The following ELN variants were observed in gnomAD, a reference collection of about 807,000 sequenced individuals.
The protein encoded by ELN is elastin.
In ELN, 65 loss-of-function variants were observed where a neutral mutation model predicts 105.8. The observed-to-expected ratio is 0.61, with a 90% CI of 0.50 to 0.75. ELN has a LOEUF of 0.75. ELN is among the 30% of genes least tolerant of loss of function. The pLI is 0.00. For synonymous variants in ELN, 368 were observed against 389.2 expected (o/e 0.95, Z 0.64); for missense variants, 882 against 969.4 (o/e 0.91, Z 1.20).
At chr7:74,057,292 CTCT>C (rs1795461741) in intron 21 of ELN, 1 of 1,073,392 alleles carries the variant, frequency 9.3e-7, no homozygotes, top group Non-Finnish European at 1.3e-6. Context: ...GGAAGCCATT[CTCT>C]TCTTCCTCCG....
At chr7:74,032,751 G>T (rs1024028371) in intron 1 of ELN, among the ~76,000 whole-genome samples, 12 of 152,214 alleles carry the variant, frequency 7.9e-5, no homozygotes, top group Non-Finnish European at 1.3e-4. Flanking sequence ...CAGAACCCCA[G>T]GAGAAAGGAA....
intron 6 of ELN, 48 bp downstream of exon 6, chr7:74,042,754 G>T: frequency 6.2e-7 from 1 of 1,603,318 alleles, no homozygotes; most frequent in Non-Finnish European, 8.5e-7. Context: ...GGCTTCCGTG[G>T]GGCCCTCCGC....
At chr7:74,054,105 G>T (rs1359049771) in intron 18 of ELN, among the ~76,000 whole-genome samples, 1 of 152,032 alleles carries the variant, frequency 6.6e-6, no homozygotes, top group Non-Finnish European at 1.5e-5. Flanking sequence ...AGGCAGATGG[G>T]ATAAGTTGGC....
In ELN at chr7:74,042,333, C is replaced by T. The variant is rs148782655; in HGVS notation, c.233-281C>T. ...GTTCCACCTACTTGGAAGGCTGAGG[C>T]GGGAGGATTGCTTGAGCCTGGGTGG... On this transcript the variant is annotated intron_variant, in intron 5 of 32. Transcript: ENST00000252034. Among the ~76,000 whole-genome samples the T allele has an allele frequency of 2.3e-3, 353 of 151,666 alleles. 2 individuals carry two copies. In the Middle Eastern group the frequency reaches 0.038, roughly 17 times the overall value.
intron 22 of ELN, among the ~76,000 whole-genome samples, chr7:74,058,978 A>C (rs1202333806): frequency 1.3e-5 from 2 of 152,088 alleles, no homozygotes; most frequent in Admixed American, 6.6e-5. Context: ...GTTGGAGTGC[A>C]GTGATGCCGT....
rs1462467478 is a variant in ELN, at chr7:74,063,765, A to G, written c.1993+70A>G. Reference sequence around the variant, plus strand: ...GCGAGACAGAGATGGAGACAGAGACAGAGACAGAGACTTTCGTTCCCACCC... The same window carrying G: ...GCGAGACAGAGATGGAGACAGAGACGGAGACAGAGACTTTCGTTCCCACCC... On this transcript the variant is annotated intron_variant, in intron 29 of 32. Transcript: ENST00000252034. The surrounding 1 kb of genome is among the most constrained non-coding windows in gnomAD (Gnocchi z 4.1). The G allele has an allele frequency of 2.7e-5, 43 of 1,603,992 alleles. No individual in the cohort carries two copies. Among genetic ancestry groups the G allele is most frequent in the Admixed American group, 5.0e-5 (3 of 59,780 alleles).
intron 2 of ELN, among the ~76,000 whole-genome samples, chr7:74,036,007 G>A (rs1252549511): frequency 6.6e-6 from 1 of 151,972 alleles, no homozygotes; most frequent in Admixed American, 6.6e-5. Flanking sequence ...AAAAGTATTT[G>A]AGGCCAGGCA....
At chr7:74,028,404 TG>T (rs1444427073) in intron 1 of ELN, 135 bp downstream of exon 1, 4 of 1,050,662 alleles carry the variant, frequency 3.8e-6, no homozygotes, top group Non-Finnish European at 5.6e-6. Flanking sequence ...CCTCAGCCAC[TG>T]GGTCCTCGGA....
chr7:74,045,173 G>C, intron 9 of ELN, 49 bp from the exon 10 acceptor site: 10 of 1,610,288 alleles, frequency 6.2e-6, no homozygotes, highest in African/African-American at 2.7e-5. Flanking sequence ...GTTCCCAGCA[G>C]GGCCTGCAAG....
chr7:74,042,792 G>C, intron 6 of ELN, 86 bp downstream of exon 6: 1 of 1,565,142 alleles, frequency 6.4e-7, no homozygotes, highest in Non-Finnish European at 8.7e-7. Context: ...CTCAACTCAG[G>C]CTTGGGAGCC....
chr7:74,041,089 C>A, intron 4 of ELN, 127 bp from the exon 5 acceptor site: 1 of 1,214,990 alleles, frequency 8.2e-7, no homozygotes, highest in African/African-American at 1.5e-5. Flanking sequence ...CCCTGAGCAT[C>A]ACAGGCTTAG....
At position 74,050,065 on chromosome 7, in the gene ELN, TCATCCATC is replaced by T. The variant is rs1278442378; in HGVS notation, c.799+1526_799+1533del. On this transcript the variant is annotated intron_variant, in intron 15 of 32. Transcript: ENST00000252034. ...TGCATGCATCCATCCTTCCATCCAT[TCATCCATC>T]CATCCATCCATCCATCTATTCCTCC... Among the ~76,000 whole-genome samples, 6 of 124,538 alleles carry T rather than the reference TCATCCATC, an allele frequency of 4.8e-5. No homozygotes were observed. In the South Asian group the frequency reaches 1.4e-3, roughly 29 times the overall value. The allele number at this position is 124,538 out of a possible 152,430, so 81.7% of individuals were successfully genotyped here.
intron 15 of ELN, among the ~76,000 whole-genome samples, chr7:74,049,142 T>C (rs1339614019): frequency 1.3e-5 from 2 of 148,184 alleles, no homozygotes; most frequent in African/African-American, 5.0e-5. Context: ...TGTCCACACA[T>C]CCATCCATCC....
At position 74,060,161 on chromosome 7, in the gene ELN, A is replaced by C; in HGVS notation, c.1598A>C (p.Lys533Thr). Residue 533 changes from lysine (K) to threonine (T), a missense_variant, in exon 24 of 33, where the codon AAG becomes ACG. Lys to Thr is a moderately conservative substitution (Grantham distance 78, BLOSUM62 -1). Coordinates refer to ENST00000252034, the MANE Select transcript of ELN (RefSeq NM_000501.4). Reference sequence around the variant, plus strand: ...TCAGCTGCAGCAAAATCCGCTGCCAAGGTGGCTGCCAAAGCCCAGCTCCGT... The same window carrying C: ...TCAGCTGCAGCAAAATCCGCTGCCACGGTGGCTGCCAAAGCCCAGCTCCGT... ...GVAAAAKSAA[K>T]VAAKAQLRAA... The C allele has an allele frequency of 6.2e-7, 1 of 1,614,120 alleles. No individual in the cohort carries two copies. Among genetic ancestry groups the C allele is most frequent in the Non-Finnish European group, 8.5e-7 (1 of 1,180,028 alleles).
chr7:74,051,656 C>T lies in ELN; in HGVS notation c.800-94C>T, dbSNP rs995941197. The stretch of plus-strand genomic sequence containing the variant: ...CCCGGGCCCCATTCCTGGATAAGAT[C>T]ACACTGGTGAAAACGCCGGCGTCTA... On this transcript the variant is annotated intron_variant, in intron 15 of 32. Transcript: ENST00000252034. The T allele has an allele frequency of 1.4e-5, 20 of 1,433,346 alleles. No individual in the cohort carries two copies. The African/African-American group carries it at 2.7e-4, about 19-fold the overall frequency. The allele number at this position is 1,433,346 out of a possible 1,614,324, so 88.8% of individuals were successfully genotyped here. A position where few individuals can be genotyped will look rare whatever the true frequency, so the allele number is the denominator to read the frequency against.
rs555801221 is a variant in ELN at position 74,052,810 on chromosome 7, G to A, written c.950-353G>A. On this transcript the variant is annotated intron_variant, in intron 17 of 32. Coordinates refer to ENST00000252034, the MANE Select transcript of ELN (RefSeq NM_000501.4). ...AAGAAAGAAAGGGAAAGGAAGGAAG[G>A]AAGGAAAAAGAAAAGAGGGAGGGAG... 6.6e-5 allele frequency: 18 copies of A among 274,112 alleles called. No homozygotes were observed. In the South Asian group the frequency reaches 8.1e-4, roughly 12 times the overall value. The allele number at this position is 274,112 out of a possible 1,614,324, so 17.0% of individuals were successfully genotyped here. A position where few individuals can be genotyped will look rare whatever the true frequency, so the allele number is the denominator to read the frequency against.
chr7:74,033,669 G>A (rs1330412650), intron 1 of ELN, among the ~76,000 whole-genome samples: 1 of 152,246 alleles, frequency 6.6e-6, no homozygotes, highest in Non-Finnish European at 1.5e-5. Context: ...CTGCTGGGCT[G>A]CAGCTGAGGC....
At position 74,056,423 on chromosome 7, in the gene ELN, G is replaced by C. The variant is rs782258150; in HGVS notation, c.1303G>C (p.Val435Leu). Residue 435 changes from valine to leucine, a missense_variant, in exon 20 of 33, where the codon GTT becomes CTT. By Grantham distance (32) the Val-to-Leu change is conservative (BLOSUM62 1). Coordinates refer to ENST00000252034, the MANE Select transcript of ELN (RefSeq NM_000501.4). The part of the protein sequence containing the change: ...GVPGVGGVPG[V>L]GISPEAQAAA... Reference sequence around the variant, plus strand: ...TCCCGGAGTCGGAGGTGTCCCGGGAGTTGGCATTTCCCGTGAGCCTTAGTC... The same window carrying C: ...TCCCGGAGTCGGAGGTGTCCCGGGACTTGGCATTTCCCGTGAGCCTTAGTC... 6.2e-7 allele frequency: 1 copy of C among 1,613,822 alleles called. No individual in the cohort carries two copies. The highest frequency in any genetic ancestry group is 8.5e-7 in the Non-Finnish European group (1 of 1,179,822).
intron 24 of ELN, 66 bp from the exon 25 acceptor site, chr7:74,060,310 G>A: frequency 6.2e-7 from 1 of 1,614,008 alleles, no homozygotes; most frequent in Admixed American, 1.7e-5. Flanking sequence ...TCAGCTCCCT[G>A]GGCAGGACAC....
Sources: gnomAD v4.1 joint callset for allele counts (sites outside exome capture counted in the v4.1 genomes callset) on GRCh38, gnomAD v4.1.1 for gene constraint, Gnocchi (gnomAD v3.1) non-coding constraint, MANE v1.5 for transcripts, NCBI Gene and HGNC (gene_info 2026-07-23, HGNC 2026-07-21) for gene names.